Variants in PBX1 observed in about 807,000 individuals in gnomAD.
PBX1 encodes pre-B-cell leukemia transcription factor 1.
In PBX1, 6 loss-of-function variants were observed where a neutral mutation model predicts 53.4. The ratio of observed to expected loss-of-function variants is 0.11; its 90% CI spans 0.06 to 0.22. PBX1 has a LOEUF of 0.22. Among genes scored for constraint, PBX1 ranks in the 10% least tolerant of loss-of-function variants. The pLI, the probability that PBX1 is intolerant of heterozygous loss-of-function variation, is 1.00. For missense variants in PBX1, 251 were observed against 551.4 expected, an observed-to-expected ratio of 0.46 and a Z score of 5.46; for synonymous variants, 204 against 212.3, an observed-to-expected ratio of 0.96 and a Z score of 0.34.
At chr1:164,783,342 G>T (rs1668019691) in intron 2 of PBX1, among the ~76,000 whole-genome samples, 1 of 151,274 alleles carries the variant, frequency 6.6e-6, no homozygotes, top group Non-Finnish European at 1.5e-5. Flanking sequence ...GACGGTATCA[G>T]TGTGAGCTTG....
chr1:164,561,934 TTAAAG>T (rs996504614), intron 1 of PBX1, among the ~76,000 whole-genome samples: 1 of 152,100 alleles, frequency 6.6e-6, no homozygotes, highest in African/African-American at 2.4e-5. Context: ...CTTTAATACT[TTAAAG>T]TATTTTCCAT....
At chr1:164,590,456 A>G in intron 2 of PBX1, 1 of 455,906 alleles carries the variant, frequency 2.2e-6, no homozygotes, top group Non-Finnish European at 4.4e-6. Flanking sequence ...GCTCTGTGGG[A>G]AGTGAATAAT....
chr1:164,738,458 A>G (rs1665418313), intron 2 of PBX1, among the ~76,000 whole-genome samples: 1 of 151,960 alleles, frequency 6.6e-6, no homozygotes, highest in Admixed American at 6.6e-5. Flanking sequence ...GCTGATTTTT[A>G]TTTTCAATTT....
At chr1:164,561,721 C>G (rs1016623757) in intron 1 of PBX1, among the ~76,000 whole-genome samples, 1 of 152,056 alleles carries the variant, frequency 6.6e-6, no homozygotes, top group Non-Finnish European at 1.5e-5. Flanking sequence ...GCGACTTCCC[C>G]CTTTCAATGG....
intron 2 of PBX1, among the ~76,000 whole-genome samples, chr1:164,595,161 C>T (rs1309367452): frequency 6.6e-6 from 1 of 152,162 alleles, no homozygotes; most frequent in African/African-American, 2.4e-5. Flanking sequence ...TTTCTGATTC[C>T]TAAGAATTTC....
At chr1:164,748,567 C>T (rs1312853076) in intron 2 of PBX1, among the ~76,000 whole-genome samples, 1 of 152,096 alleles carries the variant, frequency 6.6e-6, no homozygotes, top group African/African-American at 2.4e-5. Context: ...AGATTCTTTC[C>T]CTGTGATTCA....
At chr1:164,649,293 A>C (rs767599826) in intron 2 of PBX1, among the ~76,000 whole-genome samples, 18 of 152,206 alleles carry the variant, frequency 1.2e-4, no homozygotes, top group Non-Finnish European at 2.5e-4. Context: ...AAGCACTTTT[A>C]TTAATGGATC....
intron 2 of PBX1, among the ~76,000 whole-genome samples, chr1:164,594,255 CTT>C (rs1310178347): frequency 2.0e-5 from 3 of 152,222 alleles, no homozygotes; most frequent in Admixed American, 2.0e-4. Context: ...GCAACAGAGA[CTT>C]GGGAGATCAT....
chr1:164,757,834 A>G (rs972435594), intron 2 of PBX1, among the ~76,000 whole-genome samples: 3 of 152,234 alleles, frequency 2.0e-5, no homozygotes, highest in Non-Finnish European at 4.4e-5. Flanking sequence ...GCCAATTCAG[A>G]CTGCAGCCAA....
chr1:164,591,490 AC>A (rs1172715731), intron 2 of PBX1, among the ~76,000 whole-genome samples: 2 of 152,164 alleles, frequency 1.3e-5, no homozygotes, highest in Non-Finnish European at 2.9e-5. Flanking sequence ...AGTAGCACAA[AC>A]GGGTTCATGT....
chr1:164,596,137 T>C (rs577395328), intron 2 of PBX1, among the ~76,000 whole-genome samples: 143 of 152,004 alleles, frequency 9.4e-4, no homozygotes, highest in Middle Eastern at 3.4e-3. Flanking sequence ...TTTTGAACTT[T>C]AATGCATTAA....
intron 2 of PBX1, among the ~76,000 whole-genome samples, chr1:164,647,815 CTTT>C (rs11299199): frequency 1.9e-4 from 25 of 133,914 alleles, no homozygotes; most frequent in Admixed American, 3.0e-4. Context: ...AGCACCCCAG[CTTT>C]TTTTTTTTTT....
At chr1:164,624,444 A>G (rs987700915) in intron 2 of PBX1, among the ~76,000 whole-genome samples, 6 of 152,242 alleles carry the variant, frequency 3.9e-5, no homozygotes, top group East Asian at 1.9e-4. Context: ...TTTTCTCTCA[A>G]TGAAAGAATT....
intron 2 of PBX1, among the ~76,000 whole-genome samples, chr1:164,692,080 G>A (rs183147382): frequency 5.3e-5 from 8 of 152,200 alleles, no homozygotes; most frequent in Admixed American, 2.6e-4. Context: ...TCCCAAATTC[G>A]AAACACTTCT....
chr1:164,633,001 T>G (rs1201836783), intron 2 of PBX1, among the ~76,000 whole-genome samples: 1 of 152,214 alleles, frequency 6.6e-6, no homozygotes, highest in African/African-American at 2.4e-5. Flanking sequence ...GATATCAGTT[T>G]GCTTAAGGTC....
At chr1:164,632,170 A>G (rs1425485848) in intron 2 of PBX1, among the ~76,000 whole-genome samples, 2 of 152,162 alleles carry the variant, frequency 1.3e-5, no homozygotes, top group East Asian at 1.9e-4. Context: ...GGCTGACCTA[A>G]TACCCTTCTG....
At chr1:164,713,946 G>A (rs879793250) in intron 2 of PBX1, among the ~76,000 whole-genome samples, 4 of 152,140 alleles carry the variant, frequency 2.6e-5, no homozygotes, top group South Asian at 2.1e-4. Flanking sequence ...CATTTAGATC[G>A]TCACATATAT....
intron 2 of PBX1, among the ~76,000 whole-genome samples, chr1:164,752,556 CTAAT>C (rs1305858412): frequency 6.6e-6 from 1 of 152,044 alleles, no homozygotes; most frequent in Non-Finnish European, 1.5e-5. Flanking sequence ...GTTATATAAT[CTAAT>C]TAAGTGGTAG....
chr1:164,734,954 A>C (rs74121207), intron 2 of PBX1, among the ~76,000 whole-genome samples: 7,841 of 152,294 alleles, frequency 0.051, 369 homozygotes, highest in East Asian at 0.13. Context: ...GAAACAAAGA[A>C]TACTCCAAAT....
Sources: gnomAD v4.1 joint callset for allele counts (sites outside exome capture counted in the v4.1 genomes callset) on GRCh38, gnomAD v4.1.1 for gene constraint, MANE v1.5 for transcripts, NCBI Gene and HGNC (gene_info 2026-07-23, HGNC 2026-07-21) for gene names.